Variants in RANBP17 observed in about 807,000 individuals in gnomAD.
RANBP17 encodes the protein RAN binding protein 17.
Under a neutral mutation model 141.2 loss-of-function variants are expected in RANBP17, and 158 were observed. The observed-to-expected ratio is 1.12, with a 90% CI of 0.98 to 1.28. The LOEUF (loss-of-function observed/expected upper bound fraction) is 1.28. Among genes scored for constraint, RANBP17 ranks in the 50% most tolerant of loss-of-function variants. RANBP17 has a pLI of 0.00. For synonymous variants in RANBP17, 430 were observed against 450.0 expected, an observed-to-expected ratio of 0.96 and a Z score of 0.56; for missense variants, 1,438 against 1,290.7, an observed-to-expected ratio of 1.11 and a Z score of -1.75.
intron 18 of RANBP17, among the ~76,000 whole-genome samples, chr5:171,184,887 G>A (rs1761128525): frequency 6.6e-6 from 1 of 152,170 alleles, no homozygotes; most frequent in African/African-American, 2.4e-5. Context: ...TTGCGGCCAG[G>A]TGCGGTGGCT....
intron 14 of RANBP17, among the ~76,000 whole-genome samples, chr5:171,005,083 C>CT (rs1390243105): frequency 6.6e-6 from 1 of 152,130 alleles, no homozygotes; most frequent in African/African-American, 2.4e-5. Flanking sequence ...ATTTTTGAAG[C>CT]TTTTTTCTAA....
chr5:170,944,870 T>C (rs967368196), intron 12 of RANBP17, among the ~76,000 whole-genome samples: 2 of 152,222 alleles, frequency 1.3e-5, no homozygotes, highest in Non-Finnish European at 2.9e-5. Context: ...ATTTAAATTT[T>C]GAGAAATTCA....
intron 14 of RANBP17, among the ~76,000 whole-genome samples, chr5:171,059,004 G>A (rs961697022): frequency 4.0e-5 from 6 of 151,682 alleles, no homozygotes; most frequent in Non-Finnish European, 7.4e-5. Flanking sequence ...CTTTTTGATG[G>A]AGTTGTTTTT....
chr5:171,055,091 A>G (rs781346017), intron 14 of RANBP17, among the ~76,000 whole-genome samples: 6 of 152,192 alleles, frequency 3.9e-5, no homozygotes, highest in Non-Finnish European at 8.8e-5. Flanking sequence ...CCACAACAGT[A>G]AAGAAAAATA....
intron 24 of RANBP17, among the ~76,000 whole-genome samples, chr5:171,262,511 T>C (rs906927006): frequency 2.6e-5 from 4 of 152,150 alleles, no homozygotes; most frequent in African/African-American, 7.2e-5. Context: ...TTTTTGGCTT[T>C]TATTATTTTT....
intron 25 of RANBP17, among the ~76,000 whole-genome samples, chr5:171,290,576 T>C (rs1452094503): frequency 3.3e-5 from 5 of 152,216 alleles, no homozygotes; most frequent in Non-Finnish European, 5.9e-5. Context: ...TTTTGTGTTT[T>C]ATTTAGAATT....
chr5:170,878,343 A>G, intron 2 of RANBP17, 100 bp downstream of exon 2: 2 of 1,029,124 alleles, frequency 1.9e-6, no homozygotes, highest in Non-Finnish European at 2.7e-6. Flanking sequence ...AGATATTGCC[A>G]CATGGTTTTT....
chr5:171,056,291 C>G (rs1039212660), intron 14 of RANBP17, among the ~76,000 whole-genome samples: 1 of 152,140 alleles, frequency 6.6e-6, no homozygotes, highest in African/African-American at 2.4e-5. Flanking sequence ...AACCTGCATT[C>G]AGGAGCACCT....
intron 14 of RANBP17, among the ~76,000 whole-genome samples, chr5:171,062,400 A>C (rs1783947364): frequency 6.6e-6 from 1 of 152,068 alleles, no homozygotes. Context: ...AAAGTATTTT[A>C]TTTCTCCTTC....
chr5:171,261,350 A>G (rs1766318897), intron 24 of RANBP17, among the ~76,000 whole-genome samples: 1 of 152,132 alleles, frequency 6.6e-6, no homozygotes. Flanking sequence ...AGACTCACCT[A>G]TTTCCAAAAC....
At chr5:171,162,134 CT>C (rs1253965183) in intron 14 of RANBP17, among the ~76,000 whole-genome samples, 1 of 152,192 alleles carries the variant, frequency 6.6e-6, no homozygotes. Flanking sequence ...TAGTTAGCTT[CT>C]TTTTGAATGG....
In RANBP17 at chr5:171,009,834, T is replaced by C. The variant is rs530611974; in HGVS notation, c.1710+41457T>C. Among the ~76,000 whole-genome samples the C allele has an allele frequency of 1.7e-3, 262 of 152,300 alleles. 2 individuals carry two copies. Among genetic ancestry groups the C allele is most frequent in the Non-Finnish European group, 3.2e-3 (220 of 68,012 alleles). On this transcript the variant is annotated intron_variant, in intron 14 of 27. Coordinates refer to ENST00000523189, the MANE Select transcript of RANBP17 (RefSeq NM_022897.5). ...ACATTAAAGAAAAAGAAACACTGTT[T>C]GAAGGCACTGGAGAGTGATCAAAAG...
At chr5:170,868,103 A>G (rs905067536) in intron 1 of RANBP17, among the ~76,000 whole-genome samples, 1 of 152,250 alleles carries the variant, frequency 6.6e-6, no homozygotes, top group Non-Finnish European at 1.5e-5. Flanking sequence ...CTATATAAAA[A>G]TAACTCATCA....
chr5:171,105,333 G>T (rs1359550921), intron 14 of RANBP17, among the ~76,000 whole-genome samples: 6 of 124,366 alleles, frequency 4.8e-5, no homozygotes, highest in Non-Finnish European at 7.9e-5. Flanking sequence ...AGTGAGCCGA[G>T]ATCCCGCCAC....
In RANBP17 at chr5:170,871,197, T is replaced by G. The variant is rs182040743; in HGVS notation, c.19-6900T>G. Reference sequence around the variant, plus strand: ...CTGAGTAGCTGGGATTACAGGCGCCTGCCACCATGCCCAGCTAATTTTTGT... The same window carrying G: ...CTGAGTAGCTGGGATTACAGGCGCCGGCCACCATGCCCAGCTAATTTTTGT... On this transcript the variant is annotated intron_variant, in intron 1 of 27. Transcript: ENST00000523189. 4.6e-5 allele frequency among the ~76,000 whole-genome samples: 7 copies of G among 152,086 alleles called. No homozygotes were observed. In the East Asian group the frequency reaches 1.4e-3, roughly 29 times the overall value.
At chr5:171,199,501 A>C (rs950279422) in intron 18 of RANBP17, among the ~76,000 whole-genome samples, 169 bp from the exon 19 acceptor site, 5 of 152,228 alleles carry the variant, frequency 3.3e-5, no homozygotes, top group Non-Finnish European at 5.9e-5. Context: ...AAGAGAAGGC[A>C]CAACACCAGA....
chr5:171,185,023 A>G (rs372330841), intron 18 of RANBP17, among the ~76,000 whole-genome samples: 28 of 152,202 alleles, frequency 1.8e-4, no homozygotes, highest in South Asian at 6.2e-4. Flanking sequence ...TTAGCCAGGC[A>G]TGGTGGCAAA....
chr5:171,148,964 G>A (rs1368253800), intron 14 of RANBP17, among the ~76,000 whole-genome samples: 4 of 152,114 alleles, frequency 2.6e-5, no homozygotes, highest in South Asian at 4.1e-4. Context: ...TCATATTATC[G>A]TCATCATCCC....
chr5:171,071,679 C>G (rs996222101), intron 14 of RANBP17, among the ~76,000 whole-genome samples: 1 of 137,110 alleles, frequency 7.3e-6, no homozygotes, highest in Non-Finnish European at 1.6e-5. Flanking sequence ...AAAAAAGACC[C>G]TCAATACGTC....
Sources: gnomAD v4.1 joint callset for allele counts (sites outside exome capture counted in the v4.1 genomes callset) on GRCh38, gnomAD v4.1.1 for gene constraint, MANE v1.5 for transcripts, NCBI Gene and HGNC (gene_info 2026-07-23, HGNC 2026-07-21) for gene names.